The following CRABP2 variants were observed in gnomAD, a reference collection of about 807,000 sequenced individuals.
CRABP2 encodes the protein cellular retinoic acid-binding protein 2.
Under a neutral mutation model 17.9 loss-of-function variants are expected in CRABP2, and 20 were observed. The observed-to-expected ratio is 1.12, with a 90% CI of 0.79 to 1.63. The LOEUF (loss-of-function observed/expected upper bound fraction) is 1.63, where lower values mean the gene tolerates loss of function less well. Ranked by LOEUF, CRABP2 falls within the 40% of genes most tolerant of loss-of-function variation. The pLI, the probability that CRABP2 is intolerant of heterozygous loss-of-function variation, is 0.00. For missense variants in CRABP2, 151 were observed against 168.6 expected (o/e 0.90, Z 0.58); for synonymous variants, 76 against 66.4 (o/e 1.14, Z -0.70).
upstream of CRABP2, chr1:156,705,621 A>G: frequency 1.6e-6 from 1 of 624,318 alleles, no homozygotes; most frequent in South Asian, 2.0e-5. The surrounding 1 kb of genome is among the most constrained non-coding windows in gnomAD (Gnocchi z 5.2). Context: ...TATACCCTGT[A>G]CGGAACCGCC....
chr1:156,699,962 C>T lies in CRABP2; in HGVS notation c.*64G>A. On this transcript the variant is annotated 3_prime_UTR_variant, in exon 4 of 4. Transcript: ENST00000368222. Reference sequence around the variant, plus strand: ...GAAGGAGGGGGTGGGACGGAGGGGGCAGTGAAGCAGGGCGGTGAGCATGGC... The same window carrying T: ...GAAGGAGGGGGTGGGACGGAGGGGGTAGTGAAGCAGGGCGGTGAGCATGGC... The T allele has an allele frequency of 1.3e-6, 2 of 1,536,198 alleles. No homozygotes were observed. Among genetic ancestry groups the T allele is most frequent in the African/African-American group, 1.4e-5 (1 of 73,136 alleles).
In CRABP2 at chr1:156,700,548, C is replaced by A; in HGVS notation, c.360G>T (p.Leu120=). Residue 120 remains leucine (L), a synonymous_variant, in exon 3 of 4, where the codon CTG becomes CTT. Coordinates refer to ENST00000368222, the MANE Select transcript of CRABP2 (RefSeq NM_001878.4). ...GGGAGGAGGCAGGACTTACCAGGAT[C>A]AGTTCCCCATCGTTGGTCAGTTCTC... ...WTRELTNDGE[L]ILTMTADDVV... 1 of 1,613,206 alleles carries A rather than the reference C, an allele frequency of 6.2e-7. No individual in the cohort carries two copies. The highest frequency in any genetic ancestry group is 1.3e-5 in the African/African-American group (1 of 75,002).
intron 1 of CRABP2, among the ~76,000 whole-genome samples, chr1:156,703,034 A>G (rs1648087438): frequency 1.4e-5 from 2 of 144,448 alleles, no homozygotes; most frequent in South Asian, 4.3e-4. Flanking sequence ...CTACCACTAA[A>G]AAAAAAAAAA....
chr1:156,701,798 T>C (rs1648041884), intron 1 of CRABP2, among the ~76,000 whole-genome samples: 1 of 152,154 alleles, frequency 6.6e-6, no homozygotes, highest in Non-Finnish European at 1.5e-5. Context: ...TTAACCACCC[T>C]GAGCCTTAGA....
At chr1:156,703,515 G>C (rs769738350) in intron 1 of CRABP2, among the ~76,000 whole-genome samples, 1 of 152,248 alleles carries the variant, frequency 6.6e-6, no homozygotes, top group Non-Finnish European at 1.5e-5. Context: ...GGGGTGAAAG[G>C]GCCCTCTGCC....
chr1:156,703,806 C>A (rs967473430), intron 1 of CRABP2, among the ~76,000 whole-genome samples: 1 of 152,214 alleles, frequency 6.6e-6, no homozygotes, highest in African/African-American at 2.4e-5. Context: ...GACCGAAGTT[C>A]CTGCAGAGGC....
At chr1:156,700,199 C>G in intron 3 of CRABP2, 123 bp from the exon 4 acceptor site, 3 of 969,478 alleles carry the variant, frequency 3.1e-6, no homozygotes, top group Middle Eastern at 2.1e-4. Flanking sequence ...TGGCTCAAGA[C>G]CAACAGGCAG....
At chr1:156,701,817 T>C (rs1183881284) in intron 1 of CRABP2, among the ~76,000 whole-genome samples, 4 of 152,064 alleles carry the variant, frequency 2.6e-5, no homozygotes, top group South Asian at 2.1e-4. Flanking sequence ...GATTCCTCAA[T>C]TGTAAAATGG....
intron 1 of CRABP2, among the ~76,000 whole-genome samples, chr1:156,704,724 A>T (rs1456767639): frequency 2.0e-5 from 3 of 152,218 alleles, no homozygotes; most frequent in African/African-American, 7.2e-5. Context: ...GAAATCCAAG[A>T]AAGTGATAAT....
At chr1:156,700,753 C>T (rs4661213) in intron 2 of CRABP2, 95 bp from the exon 3 acceptor site, 1,456,889 of 1,493,980 alleles carry the variant, frequency 0.98, 711,882 homozygotes, top group East Asian at 1. Context: ...CCCCCACCAC[C>T]ACCTAGGGAT....
chr1:156,700,662 C>T lies in CRABP2; in HGVS notation c.250-4G>A. ...CACTCTCCCATTTCACCAGGCTCTG[C>T]AAGAGACAGGTGGCCAAGTGAGCTG... is the stretch of plus-strand genomic sequence containing the variant. On this transcript the variant is annotated splice_polypyrimidine_tract_variant and splice_region_variant and intron_variant, in intron 2 of 3. Coordinates refer to ENST00000368222, the MANE Select transcript of CRABP2 (RefSeq NM_001878.4). The T allele has an allele frequency of 1.9e-6, 3 of 1,612,866 alleles. No homozygotes were observed. Among genetic ancestry groups the T allele is most frequent in the Non-Finnish European group, 2.5e-6 (3 of 1,178,858 alleles).
chr1:156,700,513 G>T, intron 3 of CRABP2, 29 bp downstream of exon 3: 1 of 1,550,700 alleles, frequency 6.4e-7, no homozygotes, highest in Non-Finnish European at 8.9e-7. Flanking sequence ...CACTGGGTTT[G>T]CTATTAGTGG....
At position 156,705,489 on chromosome 1, in the gene CRABP2, A is replaced by G; in HGVS notation, c.-43T>C. Reference sequence around the variant, plus strand: ...CGGTCCCCGTAGACTCCTAGGCTGGAGCACTGGACACTGTCTTTTAGTCAA... The same window carrying G: ...CGGTCCCCGTAGACTCCTAGGCTGGGGCACTGGACACTGTCTTTTAGTCAA... On this transcript the variant is annotated 5_prime_UTR_variant, in exon 1 of 4. Coordinates refer to ENST00000368222, the MANE Select transcript of CRABP2 (RefSeq NM_001878.4). This position sits in a 1 kb window ranked among gnomAD's most constrained non-coding sequence, Gnocchi z 5.2. 6.2e-7 allele frequency: 1 copy of G among 1,600,554 alleles called. No individual in the cohort carries two copies.
At chr1:156,705,628 C>A (rs929265087), upstream of CRABP2, 3 of 586,902 alleles carry the variant, frequency 5.1e-6, no homozygotes, top group African/African-American at 3.7e-5. This position sits in a 1 kb window ranked among gnomAD's most constrained non-coding sequence, Gnocchi z 5.2. Flanking sequence ...TGTACGGAAC[C>A]GCCCCTGCCC....
At chr1:156,702,772 CAAAAAAA>C (rs56302238) in intron 1 of CRABP2, among the ~76,000 whole-genome samples, 1 of 79,846 alleles carries the variant, frequency 1.3e-5, no homozygotes. Flanking sequence ...AACTCTGTCT[CAAAAAAA>C]AAAAAAAAAA....
At chr1:156,703,499 TA>T (rs1234560578) in intron 1 of CRABP2, among the ~76,000 whole-genome samples, 3 of 152,158 alleles carry the variant, frequency 2.0e-5, no homozygotes, top group African/African-American at 7.2e-5. Flanking sequence ...AGGGATGCAC[TA>T]GGCGGGGGTG....
chr1:156,704,955 T>C (rs574310567), intron 1 of CRABP2, among the ~76,000 whole-genome samples: 4 of 151,984 alleles, frequency 2.6e-5, no homozygotes, highest in African/African-American at 7.2e-5. Context: ...GGGAAGGAGA[T>C]TGGAATGTCT....
At chr1:156,702,797 A>T (rs1468837507) in intron 1 of CRABP2, among the ~76,000 whole-genome samples, 1 of 148,878 alleles carries the variant, frequency 6.7e-6, no homozygotes, top group Admixed American at 6.7e-5. Flanking sequence ...AAAAAAAGCC[A>T]ATTGGGATGG....
chr1:156,699,924 G>A lies in CRABP2; in HGVS notation c.*102C>T. 7.9e-7 allele frequency: 1 copy of A among 1,260,644 alleles called. No individual in the cohort carries two copies. The highest frequency in any genetic ancestry group is 1.1e-6 in the Non-Finnish European group (1 of 888,436). 78.1% of individuals were successfully genotyped at this position (1,260,644 alleles called of 1,614,324 possible). A position where few individuals can be genotyped will look rare whatever the true frequency, so the allele number is the denominator to read the frequency against. On this transcript the variant is annotated 3_prime_UTR_variant, in exon 4 of 4. Coordinates refer to ENST00000368222, the MANE Select transcript of CRABP2 (RefSeq NM_001878.4). ...CCCCCAGAAGTGACTGGGGTAAGGGGAGCGCTATCCTAGAAGGAGGGGGTG... is the reference window on the plus strand; with the variant it reads ...CCCCCAGAAGTGACTGGGGTAAGGGAAGCGCTATCCTAGAAGGAGGGGGTG...
Sources: gnomAD v4.1 joint callset for allele counts (sites outside exome capture counted in the v4.1 genomes callset) on GRCh38, gnomAD v4.1.1 for gene constraint, Gnocchi (gnomAD v3.1) non-coding constraint, MANE v1.5 for transcripts, NCBI Gene and HGNC (gene_info 2026-07-23, HGNC 2026-07-21) for gene names.